NCKAP5: variants seen among roughly 807,000 people sequenced by gnomAD.
The protein encoded by NCKAP5 is NCK associated protein 5.
A neutral mutation model predicts 167.0 loss-of-function variants in NCKAP5; 92 were observed. The ratio of observed to expected loss-of-function variants is 0.55; its 90% CI spans 0.47 to 0.66. The LOEUF (loss-of-function observed/expected upper bound fraction) is 0.66. Among genes scored for constraint, NCKAP5 ranks in the 30% least tolerant of loss-of-function variants. NCKAP5 has a pLI of 0.00. For missense variants in NCKAP5, 2,378 were observed against 2,315.0 expected (o/e 1.03, Z -0.56); for synonymous variants, 891 against 877.4 (o/e 1.02, Z -0.27).
intron 2 of NCKAP5, among the ~76,000 whole-genome samples, chr2:133,526,835 GA>G (rs1261355535): frequency 4.6e-5 from 7 of 152,078 alleles, no homozygotes; most frequent in Admixed American, 3.3e-4. Context: ...AAACAAAACA[GA>G]TAAATACATT....
intron 8 of NCKAP5, chr2:132,931,580 C>T (rs562998265): frequency 1.3e-5 from 2 of 152,304 alleles, no homozygotes; most frequent in South Asian, 4.1e-4. Flanking sequence ...TCAGTGCCTT[C>T]TTCCAGCTAT....
intron 6 of NCKAP5, among the ~76,000 whole-genome samples, chr2:133,023,416 A>G (rs1185457595): frequency 6.6e-6 from 1 of 152,126 alleles, no homozygotes; most frequent in Non-Finnish European, 1.5e-5. Context: ...CTTTAAGTAA[A>G]GCTTGGTTGC....
At chr2:133,369,466 A>G (rs770617172) in intron 3 of NCKAP5, among the ~76,000 whole-genome samples, 1 of 152,220 alleles carries the variant, frequency 6.6e-6, no homozygotes, top group African/African-American at 2.4e-5. Flanking sequence ...AGTAAAGAAA[A>G]CATGAAGTGC....
intron 3 of NCKAP5, among the ~76,000 whole-genome samples, chr2:133,314,376 G>C (rs58946791): frequency 6.6e-6 from 1 of 152,292 alleles, no homozygotes; most frequent in East Asian, 1.9e-4. Flanking sequence ...TGGTGGGCTA[G>C]TTAAAACACA....
intron 6 of NCKAP5, among the ~76,000 whole-genome samples, chr2:133,022,568 C>A (rs2078563804): frequency 6.6e-6 from 1 of 152,166 alleles, no homozygotes. Flanking sequence ...TCTGACTCAT[C>A]ACAGAGAAAA....
At chr2:132,831,143 C>A (rs1322020152) in intron 11 of NCKAP5, among the ~76,000 whole-genome samples, 11 of 152,164 alleles carry the variant, frequency 7.2e-5, no homozygotes, top group Non-Finnish European at 1.6e-4. Flanking sequence ...ACTCACTTTT[C>A]CCACCGCATG....
At chr2:132,700,115 G>C (rs1359852479) in intron 19 of NCKAP5, among the ~76,000 whole-genome samples, 1 of 152,188 alleles carries the variant, frequency 6.6e-6, no homozygotes, top group South Asian at 2.1e-4. Flanking sequence ...TCTGTTGGCT[G>C]CATAAATGTC....
At chr2:132,751,045 T>C (rs1281104154) in intron 16 of NCKAP5, among the ~76,000 whole-genome samples, 1 of 152,128 alleles carries the variant, frequency 6.6e-6, no homozygotes, top group African/African-American at 2.4e-5. Flanking sequence ...GCCCATTTAT[T>C]TGTTTCAGAA....
chr2:133,272,460 A>C (rs1310316638), intron 4 of NCKAP5, among the ~76,000 whole-genome samples: 1 of 152,184 alleles, frequency 6.6e-6, no homozygotes, highest in Non-Finnish European at 1.5e-5. Context: ...TATTGACATA[A>C]AGTGATCAAT....
chr2:132,910,620 T>G (rs1368362169), intron 8 of NCKAP5, among the ~76,000 whole-genome samples: 9 of 152,238 alleles, frequency 5.9e-5, no homozygotes. Context: ...CATGGCTGAA[T>G]AGTACTCCAT....
At chr2:132,984,547 A>T (rs978759409) in intron 7 of NCKAP5, among the ~76,000 whole-genome samples, 1 of 152,102 alleles carries the variant, frequency 6.6e-6, no homozygotes, top group East Asian at 1.9e-4. Context: ...ACACCTGGCA[A>T]TTTCTCTTCA....
chr2:133,204,878 G>A (rs898189971), intron 5 of NCKAP5, among the ~76,000 whole-genome samples: 1 of 152,134 alleles, frequency 6.6e-6, no homozygotes, highest in African/African-American at 2.4e-5. Context: ...AATGTTTATT[G>A]GTCATGACAC....
chr2:133,168,785 C>T (rs2084114055), intron 5 of NCKAP5, among the ~76,000 whole-genome samples: 2 of 152,094 alleles, frequency 1.3e-5, no homozygotes, highest in Admixed American at 1.3e-4. Flanking sequence ...TTTATAAGGT[C>T]ACATTTGTTC....
chr2:133,244,295 C>T (rs761826045), intron 4 of NCKAP5, among the ~76,000 whole-genome samples: 23 of 152,122 alleles, frequency 1.5e-4, no homozygotes, highest in Admixed American at 2.6e-4. Flanking sequence ...TTTGTAAGAT[C>T]CTCCCTAAAA....
chr2:132,748,789 CT>C (rs879810192), intron 16 of NCKAP5, among the ~76,000 whole-genome samples: 112 of 146,870 alleles, frequency 7.6e-4, no homozygotes, highest in Admixed American at 1.2e-3. Context: ...AGTCAGGATA[CT>C]TTTTTTTTTT....
At chr2:133,280,801 G>C (rs1228933103) in intron 4 of NCKAP5, among the ~76,000 whole-genome samples, 1 of 152,050 alleles carries the variant, frequency 6.6e-6, no homozygotes, top group African/African-American at 2.4e-5. Flanking sequence ...ATCCTTTGTG[G>C]GTGTTCTTGA....
rs57150964 is a variant in NCKAP5 at position 133,336,516 on chromosome 2, T to C, written c.70-33406A>G. 9.7e-3 allele frequency among the ~76,000 whole-genome samples: 1,478 copies of C among 152,284 alleles called. 26 individuals are homozygous for C. The highest frequency in any genetic ancestry group is 0.031 in the African/African-American group (1,305 of 41,548). On this transcript the variant is annotated intron_variant, in intron 3 of 19. Coordinates refer to ENST00000409261, the MANE Select transcript of NCKAP5 (RefSeq NM_207363.3). ...TTCAAAAGAAAGTTAATGCCTTCAC[T>C]TGGTTTTTAGGTGATCATGAATTGT...
chr2:132,961,231 G>A (rs2076501937), intron 8 of NCKAP5, among the ~76,000 whole-genome samples: 3 of 151,292 alleles, frequency 2.0e-5, no homozygotes, highest in East Asian at 1.9e-4. Context: ...AGAATATGGA[G>A]CAAATATTTT....
At chr2:133,279,047 T>C (rs2150452637) in intron 4 of NCKAP5, among the ~76,000 whole-genome samples, 1 of 152,332 alleles carries the variant, frequency 6.6e-6, no homozygotes, top group East Asian at 1.9e-4. Flanking sequence ...CATGCAGTCT[T>C]ATACATTGCT....
Sources: allele counts gnomAD v4.1 joint callset (sites outside exome capture counted in the v4.1 genomes callset), GRCh38; gene constraint gnomAD v4.1.1; transcripts MANE v1.5; gene names NCBI Gene and HGNC (gene_info 2026-07-23, HGNC 2026-07-21).